PLCE1: variants seen among roughly 807,000 people sequenced by gnomAD.
The protein encoded by PLCE1 is phospholipase C epsilon 1, also known as 1-phosphatidylinositol 4,5-bisphosphate phosphodiesterase epsilon-1.
A neutral mutation model predicts 242.8 loss-of-function variants in PLCE1; 119 were observed. That is an observed-to-expected ratio of 0.49 (90% CI 0.42 to 0.57). The LOEUF (loss-of-function observed/expected upper bound fraction) is 0.57, where lower values mean the gene tolerates loss of function less well. Among genes scored for constraint, PLCE1 ranks in the 20% least tolerant of loss-of-function variants. The probability of loss-of-function intolerance (pLI) is 0.00; values close to 1 mark genes in which losing one functional copy is unlikely to be tolerated. For missense variants in PLCE1, 2,441 were observed against 2,788.8 expected, an observed-to-expected ratio of 0.88 and a Z score of 2.81; for synonymous variants, 945 against 1,017.4, an observed-to-expected ratio of 0.93 and a Z score of 1.35.
intron 13 of PLCE1, 49 bp from the exon 14 acceptor site, chr10:94,262,445 C>A: frequency 1.6e-6 from 2 of 1,280,638 alleles, no homozygotes; most frequent in Non-Finnish European, 2.3e-6. Flanking sequence ...ATGAACTTTG[C>A]AAAAGATGCT....
At chr10:94,172,682 G>C (rs1425996977) in intron 4 of PLCE1, among the ~76,000 whole-genome samples, 1 of 152,040 alleles carries the variant, frequency 6.6e-6, no homozygotes, top group African/African-American at 2.4e-5. Context: ...AAATTAGCTG[G>C]GCATGGTGGT....
At chr10:94,165,383 T>C (rs1370401105) in intron 3 of PLCE1, among the ~76,000 whole-genome samples, 1 of 152,186 alleles carries the variant, frequency 6.6e-6, no homozygotes, top group Admixed American at 6.5e-5. Flanking sequence ...CTCAGACTGC[T>C]GTGCTAGCAA....
intron 3 of PLCE1, among the ~76,000 whole-genome samples, chr10:94,141,995 C>G (rs2046987930): frequency 6.6e-6 from 1 of 152,076 alleles, no homozygotes; most frequent in Non-Finnish European, 1.5e-5. Context: ...TTAAGTAAAA[C>G]AATAGTTCTT....
chr10:94,049,863 A>G (rs1347899100), intron 2 of PLCE1, among the ~76,000 whole-genome samples: 1 of 152,224 alleles, frequency 6.6e-6, no homozygotes, highest in African/African-American at 2.4e-5. Flanking sequence ...AAAAGAATTC[A>G]TAGTTGGTAC....
At chr10:94,197,119 A>C (rs1564779252) in intron 4 of PLCE1, among the ~76,000 whole-genome samples, 1 of 152,146 alleles carries the variant, frequency 6.6e-6, no homozygotes, top group African/African-American at 2.4e-5. Flanking sequence ...GGCATCTTTC[A>C]CTTAAGATAG....
intron 2 of PLCE1, among the ~76,000 whole-genome samples, chr10:94,065,910 A>G (rs969528277): frequency 1.3e-5 from 2 of 152,192 alleles, no homozygotes; most frequent in African/African-American, 4.8e-5. Context: ...CTAGATAACC[A>G]TTAAGGCACA....
Position 94,293,634 on chromosome 10 carries a change from G to A in PLCE1, c.5162G>A (p.Gly1721Glu). Residue 1721 changes from glycine (G) to glutamate (E), a missense_variant, in exon 23 of 33, where the codon GGA becomes GAA. Physicochemically the swap from Gly to Glu is moderately conservative, Grantham distance 98. This residue lies in a region of PLCE1 where 1,004 missense variants were observed against 1,322.7 expected (regional missense o/e 0.76). Coordinates refer to ENST00000371380, the MANE Select transcript of PLCE1 (RefSeq NM_016341.4). ...ACAGCATCATTTAACAAAACATCTGGAAAAAGTAAAGTCACTTTCTTACAA... is the reference window on the plus strand; with the variant it reads ...ACAGCATCATTTAACAAAACATCTGAAAAAAGTAAAGTCACTTTCTTACAA... ...GETASFNKTSGKSSCEGIRQT... is the reference protein window; with the variant it reads ...GETASFNKTSEKSSCEGIRQT... 1.2e-6 allele frequency: 2 copies of A among 1,613,568 alleles called. No individual in the cohort carries two copies. The highest frequency in any genetic ancestry group is 1.7e-6 in the Non-Finnish European group (2 of 1,179,660).
intron 2 of PLCE1, among the ~76,000 whole-genome samples, chr10:94,098,368 C>T (rs1269856640): frequency 6.6e-6 from 1 of 152,142 alleles, no homozygotes; most frequent in Non-Finnish European, 1.5e-5. Flanking sequence ...GGAGTATTTC[C>T]CCTCTACCTT....
At chr10:94,307,742 G>A (rs2053250029) in intron 26 of PLCE1, among the ~76,000 whole-genome samples, 1 of 151,996 alleles carries the variant, frequency 6.6e-6, no homozygotes, top group African/African-American at 2.4e-5. Context: ...CCACCCTAAG[G>A]ACCCCATTTT....
At chr10:94,137,948 T>C in intron 3 of PLCE1, 1 of 393,314 alleles carries the variant, frequency 2.5e-6, no homozygotes, top group East Asian at 6.8e-5. Context: ...CAGTGATGAC[T>C]ACATTAAATC....
chr10:94,008,015 C>CA (rs928194148), intron 1 of PLCE1, among the ~76,000 whole-genome samples: 10 of 148,708 alleles, frequency 6.7e-5, no homozygotes, highest in Admixed American at 1.3e-4. Context: ...CCCATCTCTC[C>CA]AAAAAAAAGA....
rs151093766 is a variant in PLCE1 at position 93,998,305 on chromosome 10, C to T, written c.-365+4047C>T. Among the ~76,000 whole-genome samples the T allele has an allele frequency of 2.4e-3, 366 of 152,170 alleles. 1 individual carries two copies. Among genetic ancestry groups the T allele is most frequent in the South Asian group, 4.6e-3 (22 of 4,806 alleles). On this transcript the variant is annotated intron_variant, in intron 1 of 32. Transcript: ENST00000371380. ...GGAGGAGATGTTCTGGACATTTGAC[C>T]TTTTGTGTGTAGTTTAGCGTGGCCT...
rs1320801270 is a variant in PLCE1 at position 94,331,920 on chromosome 10, G to A, written c.*3977G>A. On this transcript the variant is annotated 3_prime_UTR_variant, in exon 33 of 33. Coordinates refer to ENST00000371380, the MANE Select transcript of PLCE1 (RefSeq NM_016341.4). The stretch of plus-strand genomic sequence containing the variant: ...AAAGTCTCACTCTGTTGCCCAGCCT[G>A]GAGTGCAGTGGTACGATCTCGACTC... 6.8e-6 allele frequency: 1 copy of A among 147,206 alleles called. No individual in the cohort carries two copies. The highest frequency in any genetic ancestry group is 1.5e-5 in the Non-Finnish European group (1 of 67,296). 9.1% of individuals were successfully genotyped at this position (147,206 alleles called of 1,614,324 possible).
At position 94,284,962 on chromosome 10, in the gene PLCE1, C is replaced by T. The variant is rs1243136941; in HGVS notation, c.5032C>T (p.Pro1678Ser). The T allele has an allele frequency of 6.4e-7, 1 of 1,556,560 alleles. No homozygotes were observed. Reference protein sequence around the residue: ...LVIYCQAVKFPGLSTLNASGS... With the variant: ...LVIYCQAVKFSGLSTLNASGS... Reference sequence around the variant, plus strand: ...AATCTATTGTCAAGCAGTAAAATTTCCAGGTAAGATTAGGCAATATCATCT... The same window carrying T: ...AATCTATTGTCAAGCAGTAAAATTTTCAGGTAAGATTAGGCAATATCATCT... The change falls in exon 22 of 33, where the codon CCA becomes TCA. Residue 1678 changes from proline (P) to serine (S), a missense_variant. Transcript: ENST00000371380.
intron 20 of PLCE1, among the ~76,000 whole-genome samples, chr10:94,282,938 A>C (rs1374831570): frequency 1.3e-5 from 2 of 152,160 alleles, no homozygotes; most frequent in Non-Finnish European, 2.9e-5. Flanking sequence ...TGTGAATACA[A>C]ATGTAATGAA....
At chr10:94,236,763 A>G (rs2050337983) in intron 7 of PLCE1, among the ~76,000 whole-genome samples, 1 of 152,194 alleles carries the variant, frequency 6.6e-6, no homozygotes, top group African/African-American at 2.4e-5. Context: ...GGTTGCTAAC[A>G]TTAGTGGCAA....
chr10:94,287,754 T>C (rs2052509466), intron 22 of PLCE1, among the ~76,000 whole-genome samples: 1 of 152,118 alleles, frequency 6.6e-6, no homozygotes, highest in Non-Finnish European at 1.5e-5. Flanking sequence ...GATATGGTAT[T>C]TTTATTTTAT....
intron 2 of PLCE1, among the ~76,000 whole-genome samples, chr10:94,037,707 T>C (rs1445584931): frequency 6.6e-6 from 1 of 152,066 alleles, no homozygotes; most frequent in African/African-American, 2.4e-5. Context: ...GCTGTCAGAG[T>C]CCAGCTTTGT....
chr10:94,157,208 G>C (rs1223537177), intron 3 of PLCE1, among the ~76,000 whole-genome samples: 1 of 152,178 alleles, frequency 6.6e-6, no homozygotes, highest in African/African-American at 2.4e-5. Flanking sequence ...GCCTGAAATG[G>C]TTGGAAATAT....
Sources: gnomAD v4.1 joint callset for allele counts (sites outside exome capture counted in the v4.1 genomes callset) on GRCh38, gnomAD v4.1.1 for gene constraint, gnomAD v4.1.1 regional missense constraint, MANE v1.5 for transcripts, NCBI Gene and HGNC (gene_info 2026-07-23, HGNC 2026-07-21) for gene names.